Variants in DOCK9 observed in about 807,000 individuals in gnomAD.
DOCK9 encodes dedicator of cytokinesis protein 9.
In DOCK9, 89 loss-of-function variants were observed where a neutral mutation model predicts 263.3. That is an observed-to-expected ratio of 0.34 (90% CI 0.28 to 0.40). DOCK9 has a LOEUF of 0.40. Ranked by LOEUF, DOCK9 falls within the 10% of genes least tolerant of loss-of-function variation. The pLI is 1.00. For missense variants in DOCK9, 2,140 were observed against 2,603.4 expected, an observed-to-expected ratio of 0.82 and a Z score of 3.87; for synonymous variants, 976 against 973.1, an observed-to-expected ratio of 1.00 and a Z score of -0.06.
chr13:98,886,536 T>C lies in DOCK9; in HGVS notation c.2132A>G (p.Asp711Gly). ...TCCCTTAAAAACATCACTTACCTCA[T>C]CATAAAATTCTGGGTTTTGGTGATG... ...LHHHQNPEFYDEIKIELPTQL... is the reference protein window; with the variant it reads ...LHHHQNPEFYGEIKIELPTQL... The change falls in exon 19 of 53, where the codon GAT becomes GGT. Residue 711 changes from aspartate to glycine, a missense_variant. Coordinates refer to ENST00000682017, the MANE Select transcript of DOCK9 (RefSeq NM_001366683.2). 6.2e-7 allele frequency: 1 copy of C among 1,613,672 alleles called. No individual in the cohort carries two copies. The highest frequency in any genetic ancestry group is 8.5e-7 in the Non-Finnish European group (1 of 1,179,652).
intron 45 of DOCK9, among the ~76,000 whole-genome samples, chr13:98,818,528 T>G (rs1426730333): frequency 6.6e-6 from 1 of 152,150 alleles, no homozygotes; most frequent in African/African-American, 2.4e-5. Context: ...TGCTTACAAT[T>G]TAAATTCCAA....
chr13:98,881,692 C>T (rs1328146904), intron 24 of DOCK9, 65 bp from the exon 25 acceptor site: 1 of 1,473,986 alleles, frequency 6.8e-7, no homozygotes, highest in South Asian at 1.2e-5. Context: ...ATTATTATCA[C>T]AGCAGTAGTA....
At chr13:99,077,604 T>G (rs2041961657) in intron 1 of DOCK9, among the ~76,000 whole-genome samples, 1 of 152,182 alleles carries the variant, frequency 6.6e-6, no homozygotes, top group Non-Finnish European at 1.5e-5. Context: ...TACACCCTAC[T>G]ACTGCACAGA....
chr13:98,881,452 G>A lies in DOCK9; in HGVS notation c.2745+106C>T, dbSNP rs77451865. 258 of 893,596 alleles carry A rather than the reference G, an allele frequency of 2.9e-4. 1 individual carries two copies. In the East Asian group the frequency reaches 4.0e-3, roughly 14 times the overall value. The allele number at this position is 893,596 out of a possible 1,614,324, so 55.4% of individuals were successfully genotyped here. A position where few individuals can be genotyped will look rare whatever the true frequency, so the allele number is the denominator to read the frequency against. On this transcript the variant is annotated intron_variant, in intron 25 of 52. Coordinates refer to ENST00000682017, the MANE Select transcript of DOCK9 (RefSeq NM_001366683.2). ...ATGAGAAATAGAAGAGAAAGCATAC[G>A]TTACAAGCACATCCTCAAATAACCA... is the stretch of plus-strand genomic sequence containing the variant.
At chr13:99,072,135 T>C (rs1490434749) in intron 1 of DOCK9, among the ~76,000 whole-genome samples, 1 of 152,226 alleles carries the variant, frequency 6.6e-6, no homozygotes, top group Admixed American at 6.5e-5. Flanking sequence ...GGACACAGTT[T>C]TCTCCAGCAG....
At chr13:98,941,511 AATAAC>A (rs1247376460) in intron 2 of DOCK9, among the ~76,000 whole-genome samples, 1 of 152,252 alleles carries the variant, frequency 6.6e-6, no homozygotes, top group African/African-American at 2.4e-5. Context: ...CAGTAAACTA[AATAAC>A]ATAAATGTTC....
At chr13:99,061,256 C>A (rs1325601115) in intron 1 of DOCK9, among the ~76,000 whole-genome samples, 1 of 152,138 alleles carries the variant, frequency 6.6e-6, no homozygotes, top group African/African-American at 2.4e-5. Flanking sequence ...GTCAAAAAGA[C>A]AATGAAGGAT....
intron 27 of DOCK9, among the ~76,000 whole-genome samples, chr13:98,879,269 G>T (rs542258760): frequency 6.6e-6 from 1 of 152,156 alleles, no homozygotes; most frequent in Admixed American, 6.5e-5. Flanking sequence ...GGAACCAGGG[G>T]AAGCAGGGGG....
chr13:98,875,349 G>A (rs1255574452), intron 27 of DOCK9, among the ~76,000 whole-genome samples: 1 of 152,146 alleles, frequency 6.6e-6, no homozygotes, highest in Admixed American at 6.5e-5. Context: ...TGGTTAAGGG[G>A]AAGTCCAAAC....
In DOCK9 at chr13:98,881,906, C is replaced by A. The variant is rs529588152; in HGVS notation, c.2661G>T (p.Ala887=). Residue 887 remains alanine (A), a synonymous_variant, in exon 24 of 53, where the codon GCG becomes GCT. Transcript: ENST00000682017. Reference sequence around the variant, plus strand: ...ACCTCCCTTACCGAGTCACGTTAACCGCGACTTCTTCCTGTGTGGCTCTGG... The same window carrying A: ...ACCTCCCTTACCGAGTCACGTTAACAGCGACTTCTTCCTGTGTGGCTCTGG... The part of the protein sequence containing the change: ...VLTRATQEEV[A]VNVTRVIIHV... 1 of 1,580,710 alleles carries A rather than the reference C, an allele frequency of 6.3e-7. No homozygotes were observed.
chr13:99,055,567 C>T (rs2040880894), intron 1 of DOCK9, among the ~76,000 whole-genome samples: 1 of 151,902 alleles, frequency 6.6e-6, no homozygotes, highest in Non-Finnish European at 1.5e-5. Context: ...TTGTGCAGGG[C>T]AGAGCAGGAA....
intron 1 of DOCK9, among the ~76,000 whole-genome samples, chr13:99,076,299 C>T (rs534771838): frequency 6.6e-6 from 1 of 152,262 alleles, no homozygotes; most frequent in African/African-American, 2.4e-5. Context: ...AAATGAGTTA[C>T]TAAATATTTA....
chr13:98,833,632 T>C (rs2092859017), intron 39 of DOCK9, among the ~76,000 whole-genome samples: 1 of 152,216 alleles, frequency 6.6e-6, no homozygotes, highest in African/African-American at 2.4e-5. Context: ...CTCATTTACA[T>C]TATGTATCCC....
intron 9 of DOCK9, among the ~76,000 whole-genome samples, chr13:98,905,624 T>C (rs1336385761): frequency 1.3e-5 from 2 of 151,900 alleles, no homozygotes; most frequent in African/African-American, 4.8e-5. Context: ...GAGTCTGGGA[T>C]TTGAATGCCA....
At chr13:98,889,088 A>C (rs572930874) in intron 15 of DOCK9, among the ~76,000 whole-genome samples, 1 of 152,242 alleles carries the variant, frequency 6.6e-6, no homozygotes, top group African/African-American at 2.4e-5. Context: ...TAGATAAAGA[A>C]TATCAGCAAA....
At chr13:98,888,578 A>C in intron 16 of DOCK9, 31 bp from the exon 17 acceptor site, 1 of 1,612,756 alleles carries the variant, frequency 6.2e-7, no homozygotes. Context: ...ACTCAAACTG[A>C]AGTAAAACCC....
chr13:98,879,806 C>A, intron 27 of DOCK9, 92 bp downstream of exon 27: 1 of 1,066,628 alleles, frequency 9.4e-7, no homozygotes, highest in South Asian at 1.6e-5. Context: ...CTGTAACTGG[C>A]ACAGAGAAAG....
intron 32 of DOCK9, among the ~76,000 whole-genome samples, chr13:98,861,225 T>G (rs577277525): frequency 6.6e-6 from 1 of 152,274 alleles, no homozygotes; most frequent in South Asian, 2.1e-4. Context: ...CAGCCACACA[T>G]GCACAAACGC....
At chr13:98,802,524 G>A (rs750480974) in intron 49 of DOCK9, among the ~76,000 whole-genome samples, 11 of 152,174 alleles carry the variant, frequency 7.2e-5, no homozygotes, top group Non-Finnish European at 1.3e-4. Flanking sequence ...AGCTAATCCA[G>A]GTTTGGAAGA....
Sources: allele counts gnomAD v4.1 joint callset (sites outside exome capture counted in the v4.1 genomes callset), GRCh38; gene constraint gnomAD v4.1.1; transcripts MANE v1.5; gene names NCBI Gene and HGNC (gene_info 2026-07-23, HGNC 2026-07-21).